The following STK39 variants were observed in gnomAD, a reference collection of about 807,000 sequenced individuals.
STK39 encodes the protein STE20/SPS1-related proline-alanine-rich protein kinase.
A neutral mutation model predicts 77.8 loss-of-function variants in STK39; 20 were observed. The observed-to-expected ratio is 0.26, with a 90% CI of 0.18 to 0.37. The LOEUF (loss-of-function observed/expected upper bound fraction) is 0.37. STK39 is among the 10% of genes least tolerant of loss of function. The pLI is 1.00. For missense variants in STK39, 479 were observed against 656.5 expected (o/e 0.73, Z 2.95); for synonymous variants, 246 against 234.1 (o/e 1.05, Z -0.47).
At chr2:168,139,372 C>T (rs1445448756) in intron 7 of STK39, among the ~76,000 whole-genome samples, 2 of 148,424 alleles carry the variant, frequency 1.3e-5, no homozygotes, top group African/African-American at 5.1e-5. Context: ...CACACACACA[C>T]AAATACACTA....
chr2:167,955,379 T>C lies in STK39; in HGVS notation c.*117A>G, dbSNP rs1421805794. 3.0e-6 allele frequency: 3 copies of C among 992,208 alleles called. No homozygotes were observed. The highest frequency in any genetic ancestry group is 4.5e-6 in the Non-Finnish European group (3 of 671,594). 61.5% of individuals were successfully genotyped at this position (992,208 alleles called of 1,614,324 possible). A position where few individuals can be genotyped will look rare whatever the true frequency, so the allele number is the denominator to read the frequency against. ...AGCCGGCCTCTTCACAATCTTCTGATTTTGCTAGGAAATGGGAGTGAGGGG... is the reference window on the plus strand; with the variant it reads ...AGCCGGCCTCTTCACAATCTTCTGACTTTGCTAGGAAATGGGAGTGAGGGG... On this transcript the variant is annotated 3_prime_UTR_variant, in exon 18 of 18. Coordinates refer to ENST00000355999, the MANE Select transcript of STK39 (RefSeq NM_013233.3).
chr2:167,999,434 A>C (rs1224998711), intron 16 of STK39, among the ~76,000 whole-genome samples: 1 of 152,102 alleles, frequency 6.6e-6, no homozygotes, highest in Non-Finnish European at 1.5e-5. Context: ...TCAGCACCAC[A>C]GTAGATGAGA....
At chr2:168,134,753 C>G (rs996442159) in intron 8 of STK39, among the ~76,000 whole-genome samples, 18 of 152,118 alleles carry the variant, frequency 1.2e-4, no homozygotes, top group Non-Finnish European at 2.2e-4. Flanking sequence ...AAAAACACAG[C>G]CTACTCTCAG....
At chr2:167,981,860 GT>G (rs1683428788) in intron 16 of STK39, among the ~76,000 whole-genome samples, 1 of 152,112 alleles carries the variant, frequency 6.6e-6, no homozygotes, top group Admixed American at 6.5e-5. Context: ...CTGATCCAAG[GT>G]AAGTCACACC....
chr2:168,091,015 G>A (rs1217941273), intron 10 of STK39, among the ~76,000 whole-genome samples: 1 of 152,018 alleles, frequency 6.6e-6, no homozygotes. Context: ...TATCGTGCTG[G>A]GAATAATTCA....
chr2:168,116,368 A>T (rs1189460227), intron 10 of STK39, among the ~76,000 whole-genome samples: 3 of 152,192 alleles, frequency 2.0e-5, no homozygotes, highest in Non-Finnish European at 4.4e-5. Context: ...CACTCTTCTA[A>T]ATCGGTATTT....
intron 17 of STK39, among the ~76,000 whole-genome samples, chr2:167,957,795 T>A (rs528222168): frequency 6.6e-6 from 1 of 152,352 alleles, no homozygotes; most frequent in South Asian, 2.1e-4. Flanking sequence ...AATGAGAATA[T>A]TAAATCCTTT....
chr2:168,049,586 G>A (rs1437264650), intron 14 of STK39, among the ~76,000 whole-genome samples: 3 of 152,172 alleles, frequency 2.0e-5, no homozygotes, highest in Non-Finnish European at 4.4e-5. Context: ...TGGTGCTTTG[G>A]TTGTTTTTCA....
intron 10 of STK39, among the ~76,000 whole-genome samples, chr2:168,114,890 G>T (rs114083313): frequency 6.6e-6 from 1 of 152,150 alleles, no homozygotes; most frequent in Admixed American, 6.5e-5. Flanking sequence ...AGATTACAGT[G>T]ACAGAGTAAT....
At chr2:168,204,445 CAA>C (rs959681339) in intron 1 of STK39, among the ~76,000 whole-genome samples, 9 of 152,208 alleles carry the variant, frequency 5.9e-5, no homozygotes, top group Non-Finnish European at 1.0e-4. Flanking sequence ...ACATCAGAAA[CAA>C]GAGTCAAGTT....
intron 16 of STK39, among the ~76,000 whole-genome samples, chr2:167,966,585 C>T (rs1692165487): frequency 1.3e-5 from 2 of 152,154 alleles, no homozygotes; most frequent in South Asian, 4.1e-4. Context: ...CTCTAGCCTA[C>T]ACTAATTCAC....
chr2:168,236,048 T>C (rs1046358382), intron 1 of STK39, among the ~76,000 whole-genome samples: 2 of 151,922 alleles, frequency 1.3e-5, no homozygotes, highest in Non-Finnish European at 2.9e-5. Flanking sequence ...CCACAATGGT[T>C]GAACTAGTTT....
At chr2:168,205,775 T>C (rs1165842490) in intron 1 of STK39, among the ~76,000 whole-genome samples, 1 of 152,080 alleles carries the variant, frequency 6.6e-6, no homozygotes, top group African/African-American at 2.4e-5. Context: ...GCCATGATGG[T>C]ACACTCCAAC....
In STK39 at chr2:167,988,272, C is replaced by A. The variant is rs1019673415; in HGVS notation, c.1499-23546G>T. 2.0e-5 allele frequency among the ~76,000 whole-genome samples: 3 copies of A among 152,288 alleles called. No homozygotes were observed. In the East Asian group the frequency reaches 5.8e-4, roughly 29 times the overall value. ...CAGCAGGGGCCAGTGTGACGTCTAT[C>A]TCATGTAAAAGCTGATTTTTTTCCT... On this transcript the variant is annotated intron_variant, in intron 16 of 17. Transcript: ENST00000355999.
chr2:168,241,609 A>G (rs964559116), intron 1 of STK39, among the ~76,000 whole-genome samples: 1 of 152,182 alleles, frequency 6.6e-6, no homozygotes, highest in African/African-American at 2.4e-5. Context: ...GCCCAGCACA[A>G]GAGTGGGAAT....
intron 14 of STK39, among the ~76,000 whole-genome samples, chr2:168,031,978 C>T (rs1684842651): frequency 6.6e-6 from 1 of 152,202 alleles, no homozygotes; most frequent in Non-Finnish European, 1.5e-5. Context: ...GGGAAGACAT[C>T]ATCCCTTCAA....
chr2:168,159,942 T>G (rs1427140589), intron 5 of STK39, among the ~76,000 whole-genome samples: 1 of 152,004 alleles, frequency 6.6e-6, no homozygotes, highest in South Asian at 2.1e-4. Flanking sequence ...GCCCGCACAG[T>G]GCAGGCACGT....
At chr2:168,246,643 C>T (rs1400604675) in intron 1 of STK39, among the ~76,000 whole-genome samples, 1 of 152,194 alleles carries the variant, frequency 6.6e-6, no homozygotes, top group Admixed American at 6.5e-5. Flanking sequence ...CGTGGAGTGG[C>T]GGCTGTCAGG....
intron 12 of STK39, among the ~76,000 whole-genome samples, chr2:168,071,869 CA>C (rs201293469): frequency 0.2 from 21,237 of 105,346 alleles, 1,648 homozygotes; most frequent in Admixed American, 0.27. Flanking sequence ...GACTCCATCT[CA>C]AAAAAAAAAA....
Sources: gnomAD v4.1 joint callset for allele counts (sites outside exome capture counted in the v4.1 genomes callset) on GRCh38, gnomAD v4.1.1 for gene constraint, MANE v1.5 for transcripts, NCBI Gene and HGNC (gene_info 2026-07-23, HGNC 2026-07-21) for gene names.